Variants in GRIK1 observed in about 807,000 individuals in gnomAD.
GRIK1 encodes the protein glutamate ionotropic receptor kainate type subunit 1.
A neutral mutation model predicts 105.7 loss-of-function variants in GRIK1; 69 were observed. The ratio of observed to expected loss-of-function variants is 0.65; its 90% CI spans 0.54 to 0.80. The LOEUF is 0.80. GRIK1 is among the 30% of genes least tolerant of loss of function. GRIK1 has a pLI of 0.00. For synonymous variants in GRIK1, 438 were observed against 431.3 expected, an observed-to-expected ratio of 1.02 and a Z score of -0.19; for missense variants, 1,109 against 1,167.3, an observed-to-expected ratio of 0.95 and a Z score of 0.73.
intron 1 of GRIK1, among the ~76,000 whole-genome samples, chr21:29,813,063 G>T (rs1245398827): frequency 1.3e-5 from 2 of 151,964 alleles, no homozygotes; most frequent in Non-Finnish European, 2.9e-5. Context: ...AACAACCTTG[G>T]GTATAGGATT....
intron 1 of GRIK1, among the ~76,000 whole-genome samples, chr21:29,814,804 T>C (rs1569123275): frequency 1.3e-5 from 2 of 150,324 alleles, no homozygotes. Context: ...AGTGTGGGCA[T>C]TTTGAGGTTA....
intron 1 of GRIK1, among the ~76,000 whole-genome samples, chr21:29,870,339 G>T (rs187293859): frequency 6.6e-6 from 1 of 151,818 alleles, no homozygotes; most frequent in Non-Finnish European, 1.5e-5. Flanking sequence ...CCCAACAGCA[G>T]GAACAAGATT....
chr21:29,915,288 A>G (rs2070957063), intron 1 of GRIK1, among the ~76,000 whole-genome samples: 1 of 151,968 alleles, frequency 6.6e-6, no homozygotes, highest in South Asian at 2.1e-4. Flanking sequence ...AATACACTAG[A>G]ACTTGATCTG....
At chr21:29,721,197 C>A (rs2064312515) in intron 1 of GRIK1, among the ~76,000 whole-genome samples, 1 of 152,102 alleles carries the variant, frequency 6.6e-6, no homozygotes, top group African/African-American at 2.4e-5. Flanking sequence ...TAAAAATTTG[C>A]ATATCTTTTT....
intron 8 of GRIK1, among the ~76,000 whole-genome samples, chr21:29,596,971 A>C (rs113948860): frequency 0.012 from 1,875 of 151,092 alleles, 40 homozygotes; most frequent in African/African-American, 0.043. Flanking sequence ...CACACACACA[A>C]ACACACACAC....
At chr21:29,861,177 A>G (rs2068624328) in intron 1 of GRIK1, among the ~76,000 whole-genome samples, 1 of 152,256 alleles carries the variant, frequency 6.6e-6, no homozygotes, top group Non-Finnish European at 1.5e-5. Context: ...TGCCTATTGC[A>G]GTGGCAAGAA....
intron 1 of GRIK1, among the ~76,000 whole-genome samples, chr21:29,742,961 A>G (rs2064965510): frequency 6.6e-6 from 1 of 151,610 alleles, no homozygotes; most frequent in Non-Finnish European, 1.5e-5. Context: ...CTGTCTAGGT[A>G]TGCTCTAGTA....
chr21:29,761,072 C>A (rs1798338687), intron 1 of GRIK1, among the ~76,000 whole-genome samples: 1 of 152,110 alleles, frequency 6.6e-6, no homozygotes, highest in African/African-American at 2.4e-5. Flanking sequence ...CTATTGTGGG[C>A]TTGCTGTTGA....
intron 7 of GRIK1, among the ~76,000 whole-genome samples, chr21:29,607,921 T>A (rs2061654583): frequency 6.6e-6 from 1 of 152,196 alleles, no homozygotes; most frequent in Admixed American, 6.5e-5. Context: ...TTTTTACACT[T>A]TATAAGGTAT....
rs2067377001 is a variant in GRIK1, at chr21:29,824,014, T to TA, written c.118+115368dup. Among the ~76,000 whole-genome samples, 5 of 151,904 alleles carry TA rather than the reference T, an allele frequency of 3.3e-5. No homozygotes were observed. In the South Asian group the frequency reaches 1.0e-3, roughly 32 times the overall value. The stretch of plus-strand genomic sequence containing the variant: ...CACTAACTTCTCTGTGGAGAACAGA[T>TA]ATAATGGGGCAAGGTCAAAAGCACA... On this transcript the variant is annotated intron_variant, in intron 1 of 17. Coordinates refer to ENST00000327783, the MANE Select transcript of GRIK1 (RefSeq NM_001330994.2).
At chr21:29,707,978 G>A (rs897802974) in intron 1 of GRIK1, among the ~76,000 whole-genome samples, 9 of 152,064 alleles carry the variant, frequency 5.9e-5, no homozygotes, top group African/African-American at 1.9e-4. Flanking sequence ...AGCACTTTTC[G>A]TGTTTTTACT....
chr21:29,540,224 G>C (rs1337501250), intron 16 of GRIK1, among the ~76,000 whole-genome samples: 1 of 152,128 alleles, frequency 6.6e-6, no homozygotes, highest in African/African-American at 2.4e-5. Flanking sequence ...TCCTCCCCCA[G>C]ATTTTAGACT....
chr21:29,899,360 A>G (rs923381902), intron 1 of GRIK1, among the ~76,000 whole-genome samples: 2 of 152,182 alleles, frequency 1.3e-5, no homozygotes, highest in Non-Finnish European at 2.9e-5. Context: ...AAGCTTGGCT[A>G]TTATTGCTGC....
intron 1 of GRIK1, among the ~76,000 whole-genome samples, chr21:29,837,472 A>C (rs1298226950): frequency 6.6e-6 from 1 of 152,176 alleles, no homozygotes; most frequent in Non-Finnish European, 1.5e-5. Flanking sequence ...ATTGAGTTAG[A>C]GTCACAGGAG....
chr21:29,670,623 G>A (rs363555), intron 4 of GRIK1, among the ~76,000 whole-genome samples: 1,811 of 152,268 alleles, frequency 0.012, 34 homozygotes, highest in African/African-American at 0.042. Flanking sequence ...GCAAAGAGAA[G>A]TCTCATCAGC....
intron 7 of GRIK1, among the ~76,000 whole-genome samples, chr21:29,640,241 C>A (rs989960382): frequency 6.6e-6 from 1 of 151,736 alleles, no homozygotes; most frequent in African/African-American, 2.4e-5. Context: ...CTGATACTTG[C>A]AAAATTTTGT....
intron 1 of GRIK1, among the ~76,000 whole-genome samples, chr21:29,902,270 C>A (rs980816417): frequency 7.2e-5 from 11 of 152,194 alleles, no homozygotes; most frequent in Non-Finnish European, 1.3e-4. Flanking sequence ...CACTCCTATT[C>A]AGCGTAGTAT....
At chr21:29,911,429 G>A (rs1212040268) in intron 1 of GRIK1, among the ~76,000 whole-genome samples, 5 of 152,154 alleles carry the variant, frequency 3.3e-5, no homozygotes, top group African/African-American at 9.6e-5. Flanking sequence ...GTGACACTAT[G>A]CAGCCACGAT....
At chr21:29,877,273 T>C (rs1183689332) in intron 1 of GRIK1, among the ~76,000 whole-genome samples, 1 of 152,156 alleles carries the variant, frequency 6.6e-6, no homozygotes, top group East Asian at 1.9e-4. Context: ...TAGTCTTCTT[T>C]GTGAAGGACT....
Sources: gnomAD v4.1 joint callset for allele counts (sites outside exome capture counted in the v4.1 genomes callset) on GRCh38, gnomAD v4.1.1 for gene constraint, MANE v1.5 for transcripts, NCBI Gene and HGNC (gene_info 2026-07-23, HGNC 2026-07-21) for gene names.